Variants in ANGPT1 observed in about 807,000 individuals in gnomAD.
The protein encoded by ANGPT1 is angiopoietin-1.
ANGPT1 carries 17 observed loss-of-function variants against 62.2 expected under a neutral mutation model. The ratio of observed to expected loss-of-function variants is 0.27; its 90% confidence interval spans 0.19 to 0.41. ANGPT1 has a LOEUF of 0.41. Among genes scored for constraint, ANGPT1 ranks in the 10% least tolerant of loss-of-function variants. ANGPT1 has a pLI of 1.00. For missense variants in ANGPT1, 478 were observed against 594.9 expected (o/e 0.80, Z 2.04); for synonymous variants, 199 against 198.9 (o/e 1.00, Z 0.00).
At chr8:107,491,751 A>G (rs1421097392) in intron 1 of ANGPT1, among the ~76,000 whole-genome samples, 1 of 152,202 alleles carries the variant, frequency 6.6e-6, no homozygotes, top group African/African-American at 2.4e-5. Flanking sequence ...ACCTCCTGGT[A>G]AGAATTCAGA....
At chr8:107,336,399 C>T in intron 2 of ANGPT1, 128 bp from the exon 3 acceptor site, 1 of 1,353,634 alleles carries the variant, frequency 7.4e-7, no homozygotes, top group African/African-American at 1.5e-5. Context: ...GGCGCAGTGG[C>T]TCACGCCTGT....
intron 1 of ANGPT1, among the ~76,000 whole-genome samples, chr8:107,428,440 G>T (rs1811092529): frequency 6.6e-6 from 1 of 152,116 alleles, no homozygotes; most frequent in African/African-American, 2.4e-5. Context: ...TATCCTAAAA[G>T]ACCCATCCAA....
At chr8:107,414,375 G>T (rs1716263212) in intron 1 of ANGPT1, among the ~76,000 whole-genome samples, 1 of 152,140 alleles carries the variant, frequency 6.6e-6, no homozygotes, top group Non-Finnish European at 1.5e-5. Flanking sequence ...TTGAGGTGAT[G>T]CCTATGTTAA....
chr8:107,421,970 C>T (rs1298046529), intron 1 of ANGPT1, among the ~76,000 whole-genome samples: 2 of 152,030 alleles, frequency 1.3e-5, no homozygotes, highest in African/African-American at 2.4e-5. Context: ...TGAACCACTG[C>T]TATAGAATTT....
At position 107,278,915 on chromosome 8, in the gene ANGPT1, A is replaced by G. The variant is rs1039386144; in HGVS notation, c.1205+5767T>C. ...GGCTTGTCTGCCATGCCAAATTTCA[A>G]GCATATGTTTTAACCTTATTTCCGT... On this transcript the variant is annotated intron_variant, in intron 7 of 8. Coordinates refer to ENST00000517746, the MANE Select transcript of ANGPT1 (RefSeq NM_001146.5). Among the ~76,000 whole-genome samples, 3 of 152,164 alleles carry G rather than the reference A, an allele frequency of 2.0e-5. No homozygotes were observed. In the East Asian group the frequency reaches 5.8e-4, roughly 29 times the overall value.
intron 7 of ANGPT1, among the ~76,000 whole-genome samples, chr8:107,279,828 C>T (rs932096381): frequency 6.6e-6 from 1 of 151,914 alleles, no homozygotes; most frequent in Non-Finnish European, 1.5e-5. Context: ...TCATTAATGA[C>T]TTATAACAGG....
At chr8:107,430,546 TG>T in intron 1 of ANGPT1, among the ~76,000 whole-genome samples, 1 of 152,220 alleles carries the variant, frequency 6.6e-6, no homozygotes, top group East Asian at 1.9e-4. Flanking sequence ...CCTTGGAACT[TG>T]TGACTATGTT....
At chr8:107,252,132 A>G (rs1813260889) in intron 8 of ANGPT1, 117 bp from the exon 9 acceptor site, 1 of 1,063,556 alleles carries the variant, frequency 9.4e-7, no homozygotes, top group East Asian at 2.4e-5. Context: ...TGTTATGCTT[A>G]TTTGCAATTA....
intron 7 of ANGPT1, among the ~76,000 whole-genome samples, chr8:107,275,619 T>C (rs1183585455): frequency 6.6e-6 from 1 of 152,136 alleles, no homozygotes; most frequent in Non-Finnish European, 1.5e-5. Context: ...ATCCATCACA[T>C]ATGGGTATGC....
chr8:107,293,811 T>G (rs888406256), intron 6 of ANGPT1, 125 bp downstream of exon 6: 12 of 661,764 alleles, frequency 1.8e-5, no homozygotes, highest in South Asian at 2.2e-5. Flanking sequence ...AAAATAATAC[T>G]AATGTATCAT....
chr8:107,414,451 A>G (rs1464961618), intron 1 of ANGPT1, among the ~76,000 whole-genome samples: 1 of 152,190 alleles, frequency 6.6e-6, no homozygotes, highest in Non-Finnish European at 1.5e-5. Context: ...CCCTATAAAT[A>G]TATACACTTA....
chr8:107,362,487 C>CT (rs1816186088), intron 1 of ANGPT1, among the ~76,000 whole-genome samples: 1 of 152,044 alleles, frequency 6.6e-6, no homozygotes, highest in African/African-American at 2.4e-5. Context: ...CTTCATCAGC[C>CT]TTTTTTTCTG....
chr8:107,459,076 A>G (rs1811997763), intron 1 of ANGPT1, among the ~76,000 whole-genome samples: 3 of 152,126 alleles, frequency 2.0e-5, no homozygotes, highest in Middle Eastern at 3.2e-3. Context: ...GCTGACAGGT[A>G]TAACTCTGTA....
Position 107,249,817 on chromosome 8 carries a change from C to T in ANGPT1, c.*2038G>A, listed in dbSNP as rs1813209087. The T allele has an allele frequency of 6.6e-6, 1 of 151,712 alleles. No individual in the cohort carries two copies. Among genetic ancestry groups the T allele is most frequent in the South Asian group, 2.1e-4 (1 of 4,784 alleles). The allele number at this position is 151,712 out of a possible 1,614,324, so 9.4% of individuals were successfully genotyped here. ...GTAATATGAGTTTGGAAATAGTATT[C>T]TTTATCCAAAAACTGGTTTAAGAAA... is the stretch of plus-strand genomic sequence containing the variant. On this transcript the variant is annotated 3_prime_UTR_variant, in exon 9 of 9. Transcript: ENST00000517746.
intron 1 of ANGPT1, among the ~76,000 whole-genome samples, chr8:107,361,764 T>A (rs1816171333): frequency 6.6e-6 from 1 of 151,894 alleles, no homozygotes; most frequent in African/African-American, 2.4e-5. Flanking sequence ...GTAGTTTAAA[T>A]GTCAGCAAAG....
intron 3 of ANGPT1, among the ~76,000 whole-genome samples, chr8:107,333,167 T>C (rs770463123): frequency 4.6e-5 from 7 of 152,150 alleles, no homozygotes; most frequent in Non-Finnish European, 7.3e-5. Context: ...ACACTTCTCT[T>C]TTTTTTAAGT....
chr8:107,283,687 A>AT (rs2130131227), intron 7 of ANGPT1, among the ~76,000 whole-genome samples: 2 of 152,286 alleles, frequency 1.3e-5, no homozygotes, highest in East Asian at 3.9e-4. Context: ...TCATACAATC[A>AT]TATTTTCAAG....
At position 107,471,100 on chromosome 8, in the gene ANGPT1, G is replaced by A. The variant is rs1393221281; in HGVS notation, c.297+26162C>T. Among the ~76,000 whole-genome samples, 4 of 152,118 alleles carry A rather than the reference G, an allele frequency of 2.6e-5. No homozygotes were observed. The East Asian group carries it at 7.7e-4, about 29-fold the overall frequency. The stretch of plus-strand genomic sequence containing the variant: ...ACTATAAAGACACATGCCCACGTAT[G>A]TTTATTGTGGCACTGTTTGCAATAG... On this transcript the variant is annotated intron_variant, in intron 1 of 8. Coordinates refer to ENST00000517746, the MANE Select transcript of ANGPT1 (RefSeq NM_001146.5).
At chr8:107,357,314 A>G (rs1483968668) in intron 1 of ANGPT1, among the ~76,000 whole-genome samples, 1 of 152,230 alleles carries the variant, frequency 6.6e-6, no homozygotes, top group Non-Finnish European at 1.5e-5. Context: ...CTTGGTATGC[A>G]TTGTTTTTAT....
Sources: gnomAD v4.1 joint callset for allele counts (sites outside exome capture counted in the v4.1 genomes callset) on GRCh38, gnomAD v4.1.1 for gene constraint, MANE v1.5 for transcripts, NCBI Gene and HGNC (gene_info 2026-07-23, HGNC 2026-07-21) for gene names.